The following PRNP variants were observed in gnomAD, a reference collection of about 807,000 sequenced individuals.
PRNP encodes prion protein (Kanno blood group).
A neutral mutation model predicts 21.3 loss-of-function variants in PRNP; 15 were observed. The ratio of observed to expected loss-of-function variants is 0.71; its 90% CI spans 0.47 to 1.09. The LOEUF is 1.09. Ranked by LOEUF, PRNP falls within the 50% of genes least tolerant of loss-of-function variation. The pLI is 0.00. For missense variants in PRNP, 285 were observed against 340.9 expected, an observed-to-expected ratio of 0.84 and a Z score of 1.29; for synonymous variants, 121 against 123.1, an observed-to-expected ratio of 0.98 and a Z score of 0.11.
In PRNP at chr20:4,697,544, T is replaced by C. The variant is rs544253946; in HGVS notation, c.-10-1667T>C. Among the ~76,000 whole-genome samples the C allele has an allele frequency of 2.0e-3, 302 of 152,280 alleles. No individual in the cohort carries two copies. The highest frequency in any genetic ancestry group is 2.9e-3 in the Non-Finnish European group (194 of 68,018). ...CACATGAGTAGCTGGAAGAAAAGCC[T>C]TCTAGGACCAGGGAACAGCAAGTGC... On this transcript the variant is annotated intron_variant, in intron 1 of 1. Coordinates refer to ENST00000379440, the MANE Select transcript of PRNP (RefSeq NM_000311.5). The surrounding 1 kb of genome is among the most constrained non-coding windows in gnomAD (Gnocchi z 4.6).
chr20:4,699,727 C>T lies in PRNP; in HGVS notation c.507C>T (p.Tyr169=), dbSNP rs769447986. ...TGTACTACAGGCCCATGGATGAGTA[C>T]AGCAACCAGAACAACTTTGTGCACG... ...NQVYYRPMDE[Y]SNQNNFVHDC... is the part of the protein sequence containing the mutation. Residue 169 remains tyrosine (Y), a synonymous_variant, in exon 2 of 2, where the codon TAC becomes TAT. Coordinates refer to ENST00000379440, the MANE Select transcript of PRNP (RefSeq NM_000311.5). This position sits in a 1 kb window ranked among gnomAD's most constrained non-coding sequence, Gnocchi z 5.8. 3 of 1,614,046 alleles carry T rather than the reference C, an allele frequency of 1.9e-6. No homozygotes were observed. Among genetic ancestry groups the T allele is most frequent in the Non-Finnish European group, 2.5e-6 (3 of 1,180,014 alleles).
At position 4,699,902 on chromosome 20, in the gene PRNP, A is replaced by G; in HGVS notation, c.682A>G (p.Arg228Gly). Reference protein sequence around the residue: ...YERESQAYYQRGSSMVLFSSP... With the variant: ...YERESQAYYQGGSSMVLFSSP... ...GAGGGAATCTCAGGCCTATTACCAGAGAGGATCGAGCATGGTCCTCTTCTC... is the reference window on the plus strand; with the variant it reads ...GAGGGAATCTCAGGCCTATTACCAGGGAGGATCGAGCATGGTCCTCTTCTC... The change falls in exon 2 of 2, where the codon AGA becomes GGA. Residue 228 changes from arginine (R) to glycine (G), a missense_variant. Coordinates refer to ENST00000379440, the MANE Select transcript of PRNP (RefSeq NM_000311.5). This position sits in a 1 kb window ranked among gnomAD's most constrained non-coding sequence, Gnocchi z 5.8. 6.2e-7 allele frequency: 1 copy of G among 1,613,712 alleles called. No individual in the cohort carries two copies. The highest frequency in any genetic ancestry group is 8.5e-7 in the Non-Finnish European group (1 of 1,179,950).
Position 4,686,766 on chromosome 20 carries a change from G to A in PRNP, c.-11+254G>A, listed in dbSNP as rs563776416. On this transcript the variant is annotated intron_variant, in intron 1 of 1. Coordinates refer to ENST00000379440, the MANE Select transcript of PRNP (RefSeq NM_000311.5). This position sits in a 1 kb window ranked among gnomAD's most constrained non-coding sequence, Gnocchi z 6.7. ...GGAAAGCTCCCTTTACTGCGCGTTG[G>A]GGGGCTGGGGGAGCTGGCGGAGCCC... is the stretch of plus-strand genomic sequence containing the variant. 2.0e-5 allele frequency: 3 copies of A among 152,060 alleles called. No individual in the cohort carries two copies. The highest frequency in any genetic ancestry group is 2.9e-5 in the Non-Finnish European group (2 of 68,128). The allele number at this position is 152,060 out of a possible 1,614,324, so 9.4% of individuals were successfully genotyped here. A position where few individuals can be genotyped will look rare whatever the true frequency, so the allele number is the denominator to read the frequency against.
rs1358174528 is a variant in PRNP, at chr20:4,699,652, C to G, written c.432C>G (p.Asp144Glu). Residue 144 changes from aspartate (D) to glutamate (E), a missense_variant, in exon 2 of 2, where the codon GAC becomes GAG. Asp to Glu is a conservative substitution (Grantham distance 45). Transcript: ENST00000379440. This position sits in a 1 kb window ranked among gnomAD's most constrained non-coding sequence, Gnocchi z 5.8. ...MSRPIIHFGS[D>E]YEDRYYRENM... is the part of the protein sequence containing the mutation. ...GGCCCATCATACATTTCGGCAGTGA[C>G]TATGAGGACCGTTACTATCGTGAAA... The G allele has an allele frequency of 2.1e-5, 34 of 1,614,112 alleles. No individual in the cohort carries two copies. Among genetic ancestry groups the G allele is most frequent in the Non-Finnish European group, 2.7e-5 (32 of 1,180,020 alleles).
At chr20:4,688,868 A>G (rs1921642608) in intron 1 of PRNP, among the ~76,000 whole-genome samples, 1 of 152,216 alleles carries the variant, frequency 6.6e-6, no homozygotes, top group Admixed American at 6.5e-5. Flanking sequence ...CCTTTGGTGA[A>G]TATATTGCTC....
At position 4,699,031 on chromosome 20, in the gene PRNP, T is replaced by A. The variant is rs1461876937; in HGVS notation, c.-10-180T>A. On this transcript the variant is annotated intron_variant, in intron 1 of 1. Coordinates refer to ENST00000379440, the MANE Select transcript of PRNP (RefSeq NM_000311.5). The surrounding 1 kb of genome is among the most constrained non-coding windows in gnomAD (Gnocchi z 5.8). Reference sequence around the variant, plus strand: ...TTTGTCCTTGGAGCAGGAGAAAGAGTTGTGTTCACCCTTTTCTTACTTTTG... The same window carrying A: ...TTTGTCCTTGGAGCAGGAGAAAGAGATGTGTTCACCCTTTTCTTACTTTTG... Among the ~76,000 whole-genome samples the A allele has an allele frequency of 6.6e-6, 1 of 152,078 alleles. No individual in the cohort carries two copies. The highest frequency in any genetic ancestry group is 1.5e-5 in the Non-Finnish European group (1 of 68,002).
intron 1 of PRNP, among the ~76,000 whole-genome samples, chr20:4,691,942 GGA>G (rs1921853932): frequency 6.6e-6 from 1 of 152,176 alleles, no homozygotes; most frequent in Non-Finnish European, 1.5e-5. Context: ...GCTGTTGGAT[GGA>G]ATGTCCTGTA....
chr20:4,691,544 G>A (rs1281386470), intron 1 of PRNP, among the ~76,000 whole-genome samples: 4 of 152,150 alleles, frequency 2.6e-5, no homozygotes, highest in Non-Finnish European at 5.9e-5. Flanking sequence ...GTCTCACTCT[G>A]TTACTGTGAT....
intron 1 of PRNP, among the ~76,000 whole-genome samples, chr20:4,688,307 C>T (rs1181171669): frequency 1.3e-5 from 2 of 152,168 alleles, no homozygotes; most frequent in African/African-American, 4.8e-5. Flanking sequence ...TTTGGGGTCA[C>T]AAAGATGGTT....
At chr20:4,691,408 T>G (rs1025264855) in intron 1 of PRNP, among the ~76,000 whole-genome samples, 1 of 152,242 alleles carries the variant, frequency 6.6e-6, no homozygotes, top group Non-Finnish European at 1.5e-5. Context: ...CCTTGTCATA[T>G]GTGGCCTTTA....
intron 1 of PRNP, among the ~76,000 whole-genome samples, chr20:4,687,384 C>T (rs1921536668): frequency 1.3e-5 from 2 of 152,216 alleles, no homozygotes; most frequent in African/African-American, 4.8e-5. Context: ...TCACATTCCT[C>T]CCAGTCCCCC....
rs1437748978 is a variant in PRNP at position 4,701,436 on chromosome 20, G to T, written c.*1454G>T. 1 of 167,076 alleles carries T rather than the reference G, an allele frequency of 6.0e-6. No individual in the cohort carries two copies. Among genetic ancestry groups the T allele is most frequent in the Non-Finnish European group, 1.5e-5 (1 of 68,120 alleles). The allele number at this position is 167,076 out of a possible 1,614,324, so 10.3% of individuals were successfully genotyped here. ...ATGTGCACTGAATCGTTTCATGTAAGAATCCAAAGTGGACACCATTAACAG... is the reference window on the plus strand; with the variant it reads ...ATGTGCACTGAATCGTTTCATGTAATAATCCAAAGTGGACACCATTAACAG... On this transcript the variant is annotated 3_prime_UTR_variant, in exon 2 of 2. Transcript: ENST00000379440. The surrounding 1 kb of genome is among the most constrained non-coding windows in gnomAD (Gnocchi z 4.2).
intron 1 of PRNP, among the ~76,000 whole-genome samples, chr20:4,696,392 C>T (rs1465269023): frequency 6.6e-6 from 1 of 152,152 alleles, no homozygotes; most frequent in African/African-American, 2.4e-5. Context: ...TTGGTTGTTA[C>T]TTTGAATATC....
rs1320462433 is a variant in PRNP, at chr20:4,697,029, T to C, written c.-10-2182T>C. ...AGTGTCATTCCCTGCAGTCTCCTCT[T>C]CCTCCCATCTTACCCATTTCAGGTA... On this transcript the variant is annotated intron_variant, in intron 1 of 1. Transcript: ENST00000379440. This position sits in a 1 kb window ranked among gnomAD's most constrained non-coding sequence, Gnocchi z 4.6. 6.6e-6 allele frequency among the ~76,000 whole-genome samples: 1 copy of C among 152,126 alleles called. No individual in the cohort carries two copies. The highest frequency in any genetic ancestry group is 1.5e-5 in the Non-Finnish European group (1 of 68,028).
rs760925175 is a variant in PRNP at position 4,699,242 on chromosome 20, A to G, written c.22A>G (p.Met8Val). The G allele has an allele frequency of 6.2e-7, 1 of 1,614,094 alleles. No homozygotes were observed. The highest frequency in any genetic ancestry group is 8.5e-7 in the Non-Finnish European group (1 of 1,180,040). The change falls in exon 2 of 2, where the codon ATG (methionine) becomes GTG (valine). Residue 8 changes from methionine (M) to valine (V), a missense_variant. By Grantham distance (21) the Met-to-Val change is conservative. Coordinates refer to ENST00000379440, the MANE Select transcript of PRNP (RefSeq NM_000311.5). This position sits in a 1 kb window ranked among gnomAD's most constrained non-coding sequence, Gnocchi z 5.8. Reference protein sequence around the residue: MANLGCWMLVLFVATWSD... With the variant: MANLGCWVLVLFVATWSD... ...CATTATGGCGAACCTTGGCTGCTGG[A>G]TGCTGGTTCTCTTTGTGGCCACATG...
At chr20:4,698,929 A>G (rs987437819) in intron 1 of PRNP, among the ~76,000 whole-genome samples, 3 of 152,358 alleles carry the variant, frequency 2.0e-5, no homozygotes, top group Non-Finnish European at 4.4e-5. Context: ...TACAAAAATT[A>G]GAAGAAAATA....
Position 4,700,283 on chromosome 20 carries a change from G to A in PRNP, c.*301G>A. ...ATTTTTGGACTTAGTGCAACAGGTT[G>A]AGGCTAAAACAAATCTCAGAACAGT... On this transcript the variant is annotated 3_prime_UTR_variant, in exon 2 of 2. Transcript: ENST00000379440. The surrounding 1 kb of genome is among the most constrained non-coding windows in gnomAD (Gnocchi z 4.1). 2 of 770,260 alleles carry A rather than the reference G, an allele frequency of 2.6e-6. 1 individual carries two copies. Among genetic ancestry groups the A allele is most frequent in the South Asian group, 3.0e-5 (2 of 66,524 alleles). The allele number at this position is 770,260 out of a possible 1,614,324, so 47.7% of individuals were successfully genotyped here.
Position 4,700,326 on chromosome 20 carries a change from G to GAGGTATCCAGGCAAA in PRNP, c.*344_*345insAGGTATCCAGGCAAA. The GAGGTATCCAGGCAAA allele has an allele frequency of 4.1e-6, 2 of 482,456 alleles. No individual in the cohort carries two copies. The highest frequency in any genetic ancestry group is 7.8e-6 in the Non-Finnish European group (2 of 255,008). 29.9% of individuals were successfully genotyped at this position (482,456 alleles called of 1,614,324 possible). On this transcript the variant is annotated 3_prime_UTR_variant, in exon 2 of 2. Coordinates refer to ENST00000379440, the MANE Select transcript of PRNP (RefSeq NM_000311.5). This position sits in a 1 kb window ranked among gnomAD's most constrained non-coding sequence, Gnocchi z 4.1. ...AGAACAGTCTGAAATACCTTTGCCT[G>GAGGTATCCAGGCAAA]GATACCTCTGGCTCCTTCAGCAGCT...
intron 1 of PRNP, among the ~76,000 whole-genome samples, chr20:4,695,218 A>G (rs1218845245): frequency 6.6e-6 from 1 of 152,128 alleles, no homozygotes; most frequent in African/African-American, 2.4e-5. Flanking sequence ...GGGGTTTGTC[A>G]TACAGATTAT....
Sources: allele counts gnomAD v4.1 joint callset (sites outside exome capture counted in the v4.1 genomes callset), GRCh38; gene constraint gnomAD v4.1.1; non-coding constraint Gnocchi (gnomAD v3.1); transcripts MANE v1.5; gene names NCBI Gene and HGNC (gene_info 2026-07-23, HGNC 2026-07-21).